Variants in MORC2 observed in about 807,000 individuals in gnomAD.
The protein encoded by MORC2 is MORC family CW-type zinc finger 2.
In MORC2, 30 loss-of-function variants were observed where a neutral mutation model predicts 136.0. That is an observed-to-expected ratio of 0.22 (90% confidence interval 0.17 to 0.30). The LOEUF (loss-of-function observed/expected upper bound fraction) is 0.30, where lower values mean the gene tolerates loss of function less well. MORC2 is among the 10% of genes least tolerant of loss of function. MORC2 has a pLI of 1.00. For synonymous variants in MORC2, 439 were observed against 487.0 expected (o/e 0.90, Z 1.30); for missense variants, 922 against 1,333.1 (o/e 0.69, Z 4.80).
At chr22:30,943,717 A>G (rs1452593961) in intron 6 of MORC2, among the ~76,000 whole-genome samples, 2 of 152,116 alleles carry the variant, frequency 1.3e-5, no homozygotes, top group Non-Finnish European at 2.9e-5. Flanking sequence ...AAGAGTTCTG[A>G]GACATTTTGC....
chr22:30,939,254 C>T (rs1292578611), intron 12 of MORC2, among the ~76,000 whole-genome samples: 1 of 152,154 alleles, frequency 6.6e-6, no homozygotes, highest in African/African-American at 2.4e-5. Context: ...AGGGTCGTAT[C>T]ACCAGGTGGT....
intron 3 of MORC2, among the ~76,000 whole-genome samples, chr22:30,953,586 T>C (rs535410155): frequency 1.3e-5 from 2 of 152,344 alleles, no homozygotes; most frequent in East Asian, 3.9e-4. Context: ...AAGTTCTTCA[T>C]CATACTCTGC....
chr22:30,928,933 T>A (rs906511124), intron 24 of MORC2, among the ~76,000 whole-genome samples: 20 of 152,236 alleles, frequency 1.3e-4, no homozygotes, highest in Admixed American at 2.6e-4. Flanking sequence ...TCACTGAGAA[T>A]CATGAGGCCA....
In MORC2 at chr22:30,937,858, T is replaced by C. The variant is rs762650793; in HGVS notation, c.1326A>G (p.Ala442=). ...DAKEYRHLLR[A]MGEHLAQYWK... ...AATACTGCGCCAGGTGCTCCCCCAT[T>C]GCTCGGAGCAGGTGCCGGTACTCCT... The change falls in exon 14 of 26, where the codon GCA becomes GCG. Residue 442 remains alanine (A), a synonymous_variant. Transcript: ENST00000397641. The surrounding 1 kb of genome is among the most constrained non-coding windows in gnomAD (Gnocchi z 4.7). 1 of 1,614,030 alleles carries C rather than the reference T, an allele frequency of 6.2e-7. No homozygotes were observed. The highest frequency in any genetic ancestry group is 8.5e-7 in the Non-Finnish European group (1 of 1,180,038).
intron 1 of MORC2, among the ~76,000 whole-genome samples, chr22:30,960,575 G>A (rs919635895): frequency 6.6e-6 from 1 of 151,582 alleles, no homozygotes; most frequent in South Asian, 2.1e-4. Flanking sequence ...TGCAACCTCC[G>A]CCTCCCGGGT....
Position 30,934,722 on chromosome 22 carries a change from A to G in MORC2, c.2193+59T>C, listed in dbSNP as rs1602481154. The G allele has an allele frequency of 1.9e-6, 3 of 1,582,802 alleles. No homozygotes were observed. The highest frequency in any genetic ancestry group is 2.6e-6 in the Non-Finnish European group (3 of 1,160,634). ...CCCCAGTACAGCTGTGACACTGCACAATTCCATTCCTACACTACTGACACT... is the reference window on the plus strand; with the variant it reads ...CCCCAGTACAGCTGTGACACTGCACGATTCCATTCCTACACTACTGACACT... On this transcript the variant is annotated intron_variant, in intron 19 of 25. Coordinates refer to ENST00000397641, the MANE Select transcript of MORC2 (RefSeq NM_001303256.3). This position sits in a 1 kb window ranked among gnomAD's most constrained non-coding sequence, Gnocchi z 4.4.
chr22:30,964,853 A>G (rs1020657033), intron 1 of MORC2, among the ~76,000 whole-genome samples: 2 of 152,238 alleles, frequency 1.3e-5, no homozygotes, highest in African/African-American at 2.4e-5. Context: ...GTGCCTAATG[A>G]CTAGCACCAA....
At chr22:30,933,957 C>T in intron 20 of MORC2, 103 bp downstream of exon 20, 1 of 1,437,568 alleles carries the variant, frequency 7.0e-7, no homozygotes. Flanking sequence ...GTTGTGTAGA[C>T]TGCTGGTGGA....
chr22:30,934,289 T>C lies in MORC2; in HGVS notation c.2194-98A>G, dbSNP rs116851985. 4.0e-3 allele frequency: 6,044 copies of C among 1,511,136 alleles called. 20 individuals are homozygous for C. The highest frequency in any genetic ancestry group is 0.015 in the Middle Eastern group (83 of 5,692). The allele number at this position is 1,511,136 out of a possible 1,614,324, so 93.6% of individuals were successfully genotyped here. A position where few individuals can be genotyped will look rare whatever the true frequency, so the allele number is the denominator to read the frequency against. ...CTAAAGGAGTCGTTCCAAGAGGAGC[T>C]GTACTCCCTGCAATCCCTGCCTGAC... On this transcript the variant is annotated intron_variant, in intron 19 of 25. Coordinates refer to ENST00000397641, the MANE Select transcript of MORC2 (RefSeq NM_001303256.3). The surrounding 1 kb of genome is among the most constrained non-coding windows in gnomAD (Gnocchi z 4.4).
rs2040595145 is a variant in MORC2, at chr22:30,932,814, A to C, written c.2523-45T>G. The C allele has an allele frequency of 6.2e-7, 1 of 1,613,100 alleles. No homozygotes were observed. Among genetic ancestry groups the C allele is most frequent in the Non-Finnish European group, 8.5e-7 (1 of 1,179,326 alleles). The stretch of plus-strand genomic sequence containing the variant: ...TATGTCATGTCTGACCCGGGCTCCC[A>C]GGATGGGCTGCTGGCAGGGAGGCCG... On this transcript the variant is annotated intron_variant, in intron 22 of 25. Coordinates refer to ENST00000397641, the MANE Select transcript of MORC2 (RefSeq NM_001303256.3). This position sits in a 1 kb window ranked among gnomAD's most constrained non-coding sequence, Gnocchi z 4.4.
At chr22:30,963,388 CTTT>C (rs34402075) in intron 1 of MORC2, 33 of 698,284 alleles carry the variant, frequency 4.7e-5, no homozygotes, top group South Asian at 6.4e-5. Flanking sequence ...CTGATTATGG[CTTT>C]TTTTTTTTTT....
chr22:30,941,784 CA>C lies in MORC2; in HGVS notation c.698+106del, dbSNP rs980591679. 12 of 1,203,982 alleles carry C rather than the reference CA, an allele frequency of 1.0e-5. No homozygotes were observed. The Admixed American group carries it at 1.6e-4, about 16-fold the overall frequency. 74.6% of individuals were successfully genotyped at this position (1,203,982 alleles called of 1,614,324 possible). A position where few individuals can be genotyped will look rare whatever the true frequency, so the allele number is the denominator to read the frequency against. On this transcript the variant is annotated intron_variant, in intron 8 of 25. Coordinates refer to ENST00000397641, the MANE Select transcript of MORC2 (RefSeq NM_001303256.3). The surrounding 1 kb of genome is among the most constrained non-coding windows in gnomAD (Gnocchi z 4.6). ...GAGCTGGCCCTACATACTACCCTAC[CA>C]CAGAACACTGGGCAATGAATGTGCT...
chr22:30,965,322 T>G (rs1341148758), intron 1 of MORC2, among the ~76,000 whole-genome samples: 3 of 152,254 alleles, frequency 2.0e-5, no homozygotes, highest in Non-Finnish European at 4.4e-5. Flanking sequence ...TCTCTGAAGA[T>G]GACTTACTGA....
At chr22:30,943,910 G>A (rs10854601) in intron 6 of MORC2, among the ~76,000 whole-genome samples, 58,648 of 151,866 alleles carry the variant, frequency 0.39, 12,214 homozygotes, top group East Asian at 0.67. Context: ...GCTGGGACTA[G>A]GCGTACACTG....
chr22:30,928,370 A>G (rs551819497), intron 24 of MORC2, 163 bp from the exon 25 acceptor site: 3 of 663,082 alleles, frequency 4.5e-6, no homozygotes, highest in South Asian at 3.7e-5. Context: ...TCCAGAGTAG[A>G]GAGACATCAA....
intron 1 of MORC2, among the ~76,000 whole-genome samples, chr22:30,965,151 C>T (rs771982696): frequency 6.6e-6 from 1 of 152,228 alleles, no homozygotes; most frequent in Non-Finnish European, 1.5e-5. Flanking sequence ...GATTTCCACA[C>T]TTCTCATCTG....
At position 30,932,670 on chromosome 22, in the gene MORC2, G is replaced by A; in HGVS notation, c.2622C>T (p.Gly874=). 1 of 1,614,162 alleles carries A rather than the reference G, an allele frequency of 6.2e-7. No homozygotes were observed. The highest frequency in any genetic ancestry group is 8.5e-7 in the Non-Finnish European group (1 of 1,180,016). The change falls in exon 23 of 26, where the codon GGC becomes GGT. Residue 874 remains glycine, a synonymous_variant. Coordinates refer to ENST00000397641, the MANE Select transcript of MORC2 (RefSeq NM_001303256.3). This position sits in a 1 kb window ranked among gnomAD's most constrained non-coding sequence, Gnocchi z 4.4. The part of the protein sequence containing the change: ...TQQEGGEEEV[G]PVAQQAIAVA... ...CAGCTATGGCCTGCTGGGCCACAGG[G>A]CCCACCTCCTCCTCCCCGCCCTCCT...
intron 2 of MORC2, 119 bp downstream of exon 2, chr22:30,958,522 T>C (rs1461229742): frequency 1.5e-6 from 1 of 651,670 alleles, no homozygotes; most frequent in Non-Finnish European, 2.5e-6. Flanking sequence ...ATCCTAGGAG[T>C]TACAGAATGT....
intron 24 of MORC2, among the ~76,000 whole-genome samples, chr22:30,930,645 C>A (rs962118733): frequency 3.3e-5 from 5 of 152,192 alleles, no homozygotes; most frequent in Non-Finnish European, 5.9e-5. Flanking sequence ...CTCTGGCAAA[C>A]TTTATCAAGC....
Sources: allele counts gnomAD v4.1 joint callset (sites outside exome capture counted in the v4.1 genomes callset), GRCh38; gene constraint gnomAD v4.1.1; non-coding constraint Gnocchi (gnomAD v3.1); transcripts MANE v1.5; gene names NCBI Gene and HGNC (gene_info 2026-07-23, HGNC 2026-07-21).